The following MYO3A variants were observed in gnomAD, a reference collection of about 807,000 sequenced individuals.
MYO3A encodes myosin-IIIa.
A neutral mutation model predicts 192.7 loss-of-function variants in MYO3A; 180 were observed. The ratio of observed to expected loss-of-function variants is 0.93; its 90% CI spans 0.83 to 1.06. The LOEUF (loss-of-function observed/expected upper bound fraction) is 1.06. Ranked by LOEUF, MYO3A falls within the 50% of genes least tolerant of loss-of-function variation. MYO3A has a pLI of 0.00. For missense variants in MYO3A, 1,896 were observed against 1,905.0 expected, an observed-to-expected ratio of 1.00 and a Z score of 0.09; for synonymous variants, 628 against 645.3, an observed-to-expected ratio of 0.97 and a Z score of 0.41.
intron 6 of MYO3A, among the ~76,000 whole-genome samples, chr10:26,007,516 T>C (rs1385203329): frequency 6.6e-6 from 1 of 152,094 alleles, no homozygotes; most frequent in Non-Finnish European, 1.5e-5. Flanking sequence ...CTTAAGCTGA[T>C]AAGCAACTTC....
At chr10:26,045,915 A>G (rs187647717) in intron 10 of MYO3A, among the ~76,000 whole-genome samples, 2 of 152,174 alleles carry the variant, frequency 1.3e-5, no homozygotes, top group Non-Finnish European at 2.9e-5. Context: ...AGGACAGGGT[A>G]TGGAGAACTT....
intron 34 of MYO3A, among the ~76,000 whole-genome samples, chr10:26,209,805 A>G (rs537145855): frequency 2.0e-5 from 3 of 152,146 alleles, no homozygotes; most frequent in Non-Finnish European, 4.4e-5. Context: ...TGAGTACTTA[A>G]AATTCCTGGC....
At chr10:25,946,877 C>CAAAAA (rs34045169) in intron 2 of MYO3A, among the ~76,000 whole-genome samples, 9 of 50,150 alleles carry the variant, frequency 1.8e-4, no homozygotes, top group South Asian at 1.2e-3. Flanking sequence ...GACTCCGTCT[C>CAAAAA]AAAAAAAAAA....
chr10:26,121,175 T>C (rs893120430), intron 18 of MYO3A, among the ~76,000 whole-genome samples: 1 of 151,250 alleles, frequency 6.6e-6, no homozygotes, highest in South Asian at 2.1e-4. Context: ...AAGACCTGTA[T>C]GTTTCCATAC....
chr10:26,115,494 A>G (rs917658764), intron 17 of MYO3A, among the ~76,000 whole-genome samples: 4 of 152,192 alleles, frequency 2.6e-5, no homozygotes, highest in Non-Finnish European at 4.4e-5. Context: ...ATGTACCTAT[A>G]TCTAGATTTT....
intron 10 of MYO3A, among the ~76,000 whole-genome samples, chr10:26,060,174 A>G (rs77873717): frequency 0.47 from 69,607 of 149,664 alleles, 17,784 homozygotes; most frequent in Middle Eastern, 0.59. Flanking sequence ...CAGGAGAATC[A>G]CTTGAACCCG....
At chr10:26,016,621 G>A (rs1841998092) in intron 6 of MYO3A, among the ~76,000 whole-genome samples, 199 bp from the exon 7 acceptor site, 1 of 152,204 alleles carries the variant, frequency 6.6e-6, no homozygotes, top group Non-Finnish European at 1.5e-5. Flanking sequence ...TTGGAGTTGA[G>A]AAAGAGAAAG....
At chr10:25,999,876 A>G (rs1790285381) in intron 6 of MYO3A, among the ~76,000 whole-genome samples, 1 of 152,144 alleles carries the variant, frequency 6.6e-6, no homozygotes, top group African/African-American at 2.4e-5. Flanking sequence ...CCTCCCACTT[A>G]TACAACTTAG....
At position 26,130,460 on chromosome 10, in the gene MYO3A, C is replaced by T. The variant is rs771178699; in HGVS notation, c.2262+1922C>T. On this transcript the variant is annotated intron_variant, in intron 20 of 34. Coordinates refer to ENST00000642920, the MANE Select transcript of MYO3A (RefSeq NM_017433.5). The stretch of plus-strand genomic sequence containing the variant: ...TTGAATTTCATTCATGATCCCAATG[C>T]TCTTAATTCTTTTGTCTAAGGGCTT... Among the ~76,000 whole-genome samples, 127 of 152,154 alleles carry T rather than the reference C, an allele frequency of 8.3e-4. 1 individual carries two copies. Among genetic ancestry groups the T allele is most frequent in the Non-Finnish European group, 1.7e-3 (115 of 68,030 alleles).
At chr10:26,054,715 G>C (rs1844211097) in intron 10 of MYO3A, among the ~76,000 whole-genome samples, 1 of 152,160 alleles carries the variant, frequency 6.6e-6, no homozygotes, top group Non-Finnish European at 1.5e-5. Context: ...AACAATATGA[G>C]TATGGAAGCA....
chr10:25,974,926 A>G (rs1476937522), intron 4 of MYO3A, among the ~76,000 whole-genome samples: 2 of 152,204 alleles, frequency 1.3e-5, no homozygotes, highest in Non-Finnish European at 1.5e-5. Context: ...TGGAAGATTC[A>G]TACATTTGGA....
chr10:26,185,431 C>G (rs1282164253), intron 31 of MYO3A, among the ~76,000 whole-genome samples: 3 of 149,284 alleles, frequency 2.0e-5, no homozygotes, highest in African/African-American at 7.5e-5. Context: ...CCTCTGCCCC[C>G]CAGGTTCAAG....
chr10:26,041,096 A>G (rs1388381648), intron 10 of MYO3A, among the ~76,000 whole-genome samples: 1 of 151,990 alleles, frequency 6.6e-6, no homozygotes, highest in East Asian at 1.9e-4. Context: ...ATATATTTAC[A>G]ATTGTTATAT....
At chr10:26,156,240 A>C (rs1483492599) in intron 25 of MYO3A, among the ~76,000 whole-genome samples, 1 of 152,204 alleles carries the variant, frequency 6.6e-6, no homozygotes, top group Non-Finnish European at 1.5e-5. Flanking sequence ...AAGCCATGCA[A>C]ATTCAGAGCT....
intron 18 of MYO3A, among the ~76,000 whole-genome samples, chr10:26,122,483 C>G (rs1243381571): frequency 1.3e-5 from 2 of 152,148 alleles, no homozygotes; most frequent in East Asian, 1.9e-4. Flanking sequence ...CATTTTGTCC[C>G]ATAAATATCT....
At chr10:25,989,526 C>T (rs1019725414) in intron 4 of MYO3A, among the ~76,000 whole-genome samples, 3 of 152,096 alleles carry the variant, frequency 2.0e-5, no homozygotes, top group African/African-American at 7.2e-5. Context: ...TGAAGAAAAA[C>T]ACCAAATATA....
chr10:26,031,302 A>G (rs1246740798), intron 10 of MYO3A, among the ~76,000 whole-genome samples: 1 of 152,236 alleles, frequency 6.6e-6, no homozygotes. Flanking sequence ...CTCAAGAATC[A>G]CCAGCTAAAA....
chr10:26,011,868 G>C (rs1177685580), intron 6 of MYO3A, among the ~76,000 whole-genome samples: 1 of 152,160 alleles, frequency 6.6e-6, no homozygotes, highest in African/African-American at 2.4e-5. Flanking sequence ...CTAGCTAACT[G>C]AATCCAACAG....
intron 29 of MYO3A, among the ~76,000 whole-genome samples, chr10:26,172,137 G>A (rs1213516247): frequency 6.6e-6 from 1 of 152,210 alleles, no homozygotes; most frequent in Non-Finnish European, 1.5e-5. Flanking sequence ...AGGAAAGTTA[G>A]GGAAGGGAGA....
Sources: allele counts gnomAD v4.1 joint callset (sites outside exome capture counted in the v4.1 genomes callset), GRCh38; gene constraint gnomAD v4.1.1; transcripts MANE v1.5; gene names NCBI Gene and HGNC (gene_info 2026-07-23, HGNC 2026-07-21).